The following DIAPH2 variants were observed in gnomAD, a reference collection of about 807,000 sequenced individuals.
DIAPH2 encodes the protein diaphanous related formin 2.
DIAPH2 carries 35 observed loss-of-function variants against 92.7 expected under a neutral mutation model. The ratio of observed to expected loss-of-function variants is 0.38; its 90% CI spans 0.29 to 0.50. The LOEUF (loss-of-function observed/expected upper bound fraction) is 0.50. Among genes scored for constraint, DIAPH2 ranks in the 20% least tolerant of loss-of-function variants. The probability of loss-of-function intolerance (pLI) is 0.94; values close to 1 mark genes in which losing one functional copy is unlikely to be tolerated. For missense variants in DIAPH2, 701 were observed against 819.5 expected (o/e 0.86, Z 1.77); for synonymous variants, 301 against 280.4 (o/e 1.07, Z -0.73).
At chrX:96,951,453 C>A (rs1314226324) in intron 15 of DIAPH2, among the ~76,000 whole-genome samples, 1 of 111,263 alleles carries the variant, frequency 9.0e-6, no homozygotes, top group Non-Finnish European at 1.9e-5. Context: ...TATTAAAGGC[C>A]CCACTGTACC....
At chrX:97,061,779 A>G (rs2066599637) in intron 17 of DIAPH2, among the ~76,000 whole-genome samples, 1 of 89,314 alleles carries the variant, frequency 1.1e-5, no homozygotes, top group Admixed American at 1.5e-4. Context: ...GCACCACTGC[A>G]CTCCAGCCTG....
intron 4 of DIAPH2, among the ~76,000 whole-genome samples, chrX:96,796,690 C>A (rs1340625685): frequency 6.3e-5 from 7 of 111,693 alleles, no homozygotes; most frequent in African/African-American, 9.8e-5. Flanking sequence ...TATACTTTTT[C>A]TATAAGCACC....
chrX:97,253,296 A>AAT (rs1336985582), intron 23 of DIAPH2, among the ~76,000 whole-genome samples: 1 of 108,246 alleles, frequency 9.2e-6, no homozygotes, highest in African/African-American at 3.4e-5. Flanking sequence ...CGTAAAAAAA[A>AAT]ATAAAATAAA....
chrX:96,872,493 C>CTTTTT (rs752843624), intron 4 of DIAPH2, among the ~76,000 whole-genome samples: 1 of 95,454 alleles, frequency 1.0e-5, no homozygotes, highest in Non-Finnish European at 2.1e-5. Flanking sequence ...TTTTCTTTTT[C>CTTTTT]TTTTTTTTTT....
At chrX:97,167,111 A>G in intron 22 of DIAPH2, among the ~76,000 whole-genome samples, 1 of 111,952 alleles carries the variant, frequency 8.9e-6, no homozygotes, top group Non-Finnish European at 1.9e-5. Context: ...CTGTCAATGT[A>G]CTTGTGGTCG....
chrX:97,436,553 G>A (rs188230202), intron 26 of DIAPH2, among the ~76,000 whole-genome samples: 2 of 111,676 alleles, frequency 1.8e-5, no homozygotes, highest in Non-Finnish European at 3.8e-5. Context: ...ATACAACAGA[G>A]AAAAAGAAAC....
At chrX:97,428,389 C>T (rs1239229630) in intron 25 of DIAPH2, among the ~76,000 whole-genome samples, 3 of 109,967 alleles carry the variant, frequency 2.7e-5, no homozygotes, top group African/African-American at 6.6e-5. Flanking sequence ...ACTAGCCAGG[C>T]GTGGTGGCGC....
At chrX:96,844,400 A>C (rs2064957552) in intron 4 of DIAPH2, among the ~76,000 whole-genome samples, 1 of 112,625 alleles carries the variant, frequency 8.9e-6, no homozygotes, top group Non-Finnish European at 1.9e-5. Flanking sequence ...TTTTGTGTTA[A>C]ACAAACATGC....
intron 22 of DIAPH2, among the ~76,000 whole-genome samples, chrX:97,189,055 T>A (rs1271334311): frequency 9.0e-6 from 1 of 111,709 alleles, no homozygotes; most frequent in African/African-American, 3.3e-5. Context: ...GTTGGCAAGA[T>A]TACTTTTTCT....
intron 17 of DIAPH2, among the ~76,000 whole-genome samples, chrX:96,975,756 A>G (rs952156548): frequency 1.1e-4 from 12 of 110,922 alleles, no homozygotes; most frequent in Non-Finnish European, 1.9e-4. Flanking sequence ...TATGGAGGGT[A>G]GCTTCTTTCT....
At chrX:97,304,375 G>A (rs1441301270) in intron 23 of DIAPH2, among the ~76,000 whole-genome samples, 3 of 112,135 alleles carry the variant, frequency 2.7e-5, no homozygotes, top group Non-Finnish European at 5.6e-5. Context: ...CACAGTGGTC[G>A]ATCTTGAATA....
intron 5 of DIAPH2, among the ~76,000 whole-genome samples, chrX:96,895,230 C>T (rs2065337132): frequency 9.0e-6 from 1 of 111,057 alleles, no homozygotes; most frequent in Admixed American, 9.6e-5. Flanking sequence ...TTCTCAAACT[C>T]CCAACCTCAG....
At position 97,599,643 on chromosome X, in the gene DIAPH2, A is replaced by G. The variant is rs993416246; in HGVS notation, c.*326A>G. On this transcript the variant is annotated 3_prime_UTR_variant, in exon 27 of 27. Transcript: ENST00000324765. ...CTAAGGCTTTCAAAAACACTCAGTC[A>G]AAAATTTAAAATCTTAAATGTGTAA... 2.6e-5 allele frequency: 3 copies of G among 116,815 alleles called. No homozygotes were observed. Among genetic ancestry groups the G allele is most frequent in the African/African-American group, 6.8e-5 (2 of 29,534 alleles). The allele number at this position is 116,815 out of a possible 1,213,427, so 9.6% of individuals were successfully genotyped here.
intron 17 of DIAPH2, among the ~76,000 whole-genome samples, chrX:97,006,975 A>C (rs754350304): frequency 1.8e-5 from 2 of 111,583 alleles, no homozygotes; most frequent in African/African-American, 6.5e-5. Context: ...GAGGCATGCA[A>C]ATAATATCTT....
At chrX:97,060,415 T>A (rs1459464162) in intron 17 of DIAPH2, among the ~76,000 whole-genome samples, 1 of 101,094 alleles carries the variant, frequency 9.9e-6, no homozygotes, top group Non-Finnish European at 2.0e-5. Context: ...GGATTTCTGA[T>A]TTTTTTTTTT....
At chrX:97,093,272 G>C (rs970711983) in intron 19 of DIAPH2, among the ~76,000 whole-genome samples, 4 of 111,042 alleles carry the variant, frequency 3.6e-5, no homozygotes, top group African/African-American at 1.3e-4. Context: ...TTAGGAAAGG[G>C]TAGGTATATG....
intron 23 of DIAPH2, among the ~76,000 whole-genome samples, chrX:97,263,900 T>TTTTTTTTATTTATTTA (rs1556013136): frequency 3.2e-5 from 3 of 93,992 alleles, no homozygotes; most frequent in South Asian, 5.2e-4. Context: ...ACTGTTAGTT[T>TTTTTTTTATTTATTTA]TTTATTTATT....
intron 26 of DIAPH2, among the ~76,000 whole-genome samples, chrX:97,560,444 G>A (rs2071286089): frequency 9.0e-6 from 1 of 111,726 alleles, no homozygotes; most frequent in African/African-American, 3.3e-5. Context: ...ATTCTTTCAT[G>A]CTCTGGCCAG....
intron 26 of DIAPH2, among the ~76,000 whole-genome samples, chrX:97,497,059 TA>T (rs1165926014): frequency 1.8e-5 from 2 of 110,934 alleles, no homozygotes; most frequent in Admixed American, 1.9e-4. Context: ...AATGTTGACT[TA>T]ACTGAATTCA....
Sources: allele counts gnomAD v4.1 joint callset (sites outside exome capture counted in the v4.1 genomes callset), GRCh38; gene constraint gnomAD v4.1.1; transcripts MANE v1.5; gene names NCBI Gene and HGNC (gene_info 2026-07-23, HGNC 2026-07-21).